Variants in KPNA6 observed in about 807,000 individuals in gnomAD.
The protein encoded by KPNA6 is karyopherin subunit alpha 6, also known as importin subunit alpha-7.
KPNA6 carries 9 observed loss-of-function variants against 72.0 expected under a neutral mutation model. The ratio of observed to expected loss-of-function variants is 0.13; its 90% CI spans 0.08 to 0.22. The LOEUF is 0.22. KPNA6 is among the 10% of genes least tolerant of loss of function. KPNA6 has a pLI of 1.00. For missense variants in KPNA6, 374 were observed against 655.7 expected (o/e 0.57, Z 4.69); for synonymous variants, 219 against 242.1 (o/e 0.90, Z 0.89).
At position 32,142,084 on chromosome 1, in the gene KPNA6, G is replaced by A. The variant is rs115179487; in HGVS notation, c.5-12504G>A. 5.4e-3 allele frequency among the ~76,000 whole-genome samples: 823 copies of A among 151,802 alleles called. 11 individuals carry two copies. Among genetic ancestry groups the A allele is most frequent in the African/African-American group, 0.019 (785 of 41,408 alleles). Reference sequence around the variant, plus strand: ...AGACCAGCCTCAACATGGTGAGACCGTCTCTACTAAAAATGCAAAAAATTA... The same window carrying A: ...AGACCAGCCTCAACATGGTGAGACCATCTCTACTAAAAATGCAAAAAATTA... On this transcript the variant is annotated intron_variant, in intron 1 of 13. Transcript: ENST00000373625.
chr1:32,137,804 C>T (rs544423625), intron 1 of KPNA6, among the ~76,000 whole-genome samples: 1 of 152,086 alleles, frequency 6.6e-6, no homozygotes, highest in East Asian at 1.9e-4. Flanking sequence ...ATGGGTGACT[C>T]CAAGACCAGG....
chr1:32,131,490 A>AT (rs1641634727), intron 1 of KPNA6, among the ~76,000 whole-genome samples: 1 of 152,084 alleles, frequency 6.6e-6, no homozygotes. Flanking sequence ...CTCTACTTTT[A>AT]TTTTTTAAAG....
chr1:32,126,873 A>C (rs1641545275), intron 1 of KPNA6, among the ~76,000 whole-genome samples: 1 of 152,154 alleles, frequency 6.6e-6, no homozygotes, highest in Non-Finnish European at 1.5e-5. Context: ...GAAAGAACTG[A>C]GTGTTGGAAG....
intron 1 of KPNA6, chr1:32,143,088 A>C: frequency 6.5e-5 from 64 of 980,810 alleles, no homozygotes; most frequent in Non-Finnish European, 8.8e-5. Flanking sequence ...TGTTAGTCTC[A>C]CAGGGATAAT....
chr1:32,138,590 C>T (rs1641783909), intron 1 of KPNA6, among the ~76,000 whole-genome samples: 2 of 149,624 alleles, frequency 1.3e-5, no homozygotes, highest in South Asian at 2.1e-4. Context: ...TAAGGGAGAT[C>T]GTGAGCTTGG....
At chr1:32,132,135 T>C (rs1641650095) in intron 1 of KPNA6, among the ~76,000 whole-genome samples, 1 of 151,880 alleles carries the variant, frequency 6.6e-6, no homozygotes, top group Non-Finnish European at 1.5e-5. Context: ...CATACCCGGC[T>C]AATATTTGTA....
intron 9 of KPNA6, 62 bp from the exon 10 acceptor site, chr1:32,163,173 A>G (rs1336681281): frequency 1.3e-5 from 14 of 1,043,648 alleles, no homozygotes; most frequent in Non-Finnish European, 2.1e-5. Context: ...GACTAAAGAG[A>G]GAGAATCAGC....
chr1:32,161,988 C>G lies in KPNA6; in HGVS notation c.689C>G (p.Ala230Gly). 6.2e-7 allele frequency: 1 copy of G among 1,614,098 alleles called. No homozygotes were observed. Among genetic ancestry groups the G allele is most frequent in the Non-Finnish European group, 8.5e-7 (1 of 1,179,994 alleles). ...KSTRLTMTRNAVWALSNLCRG... is the reference protein window; with the variant it reads ...KSTRLTMTRNGVWALSNLCRG... ...ACACGACTGACGATGACACGGAATG[C>G]AGTCTGGGCCCTGTCAAATCTCTGC... The change falls in exon 8 of 14, where the codon GCA (alanine) becomes GGA (glycine). Residue 230 changes from alanine to glycine, a missense_variant. Around this residue, in one of 3 missense-constraint regions of KPNA6, gnomAD observed 298 missense variants for 495.4 expected, o/e 0.60. Transcript: ENST00000373625.
chr1:32,114,452 ATAT>A lies in KPNA6; in HGVS notation c.4+6319_4+6321del, dbSNP rs1464375605. Among the ~76,000 whole-genome samples, 49 of 139,264 alleles carry A rather than the reference ATAT, an allele frequency of 3.5e-4. 1 individual carries two copies. The highest frequency in any genetic ancestry group is 1.2e-3 in the African/African-American group (42 of 36,314). The allele number at this position is 139,264 out of a possible 152,430, so 91.4% of individuals were successfully genotyped here. ...ACGAAACTCTGTCTCAAAAAAAAAA[ATAT>A]ATATATATATATATATATTCAGTAA... is the stretch of plus-strand genomic sequence containing the variant. On this transcript the variant is annotated intron_variant, in intron 1 of 13. Coordinates refer to ENST00000373625, the MANE Select transcript of KPNA6 (RefSeq NM_012316.5).
intron 1 of KPNA6, among the ~76,000 whole-genome samples, chr1:32,151,805 A>G (rs984204761): frequency 3.9e-5 from 6 of 152,226 alleles, no homozygotes; most frequent in African/African-American, 7.2e-5. Context: ...GGAAGTGATA[A>G]CTATATTAAT....
At position 32,157,415 on chromosome 1, in the gene KPNA6, A is replaced by G; in HGVS notation, c.301A>G (p.Thr101Ala). 1 of 1,614,046 alleles carries G rather than the reference A, an allele frequency of 6.2e-7. No individual in the cohort carries two copies. The highest frequency in any genetic ancestry group is 1.7e-5 in the Admixed American group (1 of 60,012). ...SDDSDLQLAT[T>A]QKFRKLLSKE... is the part of the protein sequence containing the mutation. The stretch of plus-strand genomic sequence containing the variant: ...TGATTCTGACCTGCAGTTAGCAACC[A>G]CACAGAAATTCCGGAAACTGCTCTC... Residue 101 changes from threonine (T) to alanine (A), a missense_variant, in exon 4 of 14, where the codon ACA becomes GCA. This residue lies in a region of KPNA6 where 298 missense variants were observed against 495.4 expected (regional missense o/e 0.60). Transcript: ENST00000373625.
intron 11 of KPNA6, 73 bp from the exon 12 acceptor site, chr1:32,167,096 T>C: frequency 3.2e-6 from 5 of 1,556,450 alleles, no homozygotes; most frequent in Non-Finnish European, 4.4e-6. Flanking sequence ...CTCAGCTGAT[T>C]TGGGGACTAG....
Position 32,170,802 on chromosome 1 carries a change from G to A in KPNA6, c.1519G>A (p.Asp507Asn), listed in dbSNP as rs201663407. 99 of 1,614,078 alleles carry A rather than the reference G, an allele frequency of 6.1e-5. 1 individual carries two copies. Among genetic ancestry groups the A allele is most frequent in the Admixed American group, 6.7e-5 (4 of 60,004 alleles). The change falls in exon 14 of 14, where the codon GAT becomes AAT. Residue 507 changes from aspartate (D) to asparagine (N), a missense_variant. Asp to Asn is a conservative substitution (Grantham distance 23). Transcript: ENST00000373625. ...TGAGCACTACTTTGGTGTAGAAGAC[G>A]ATGATAGCAGCCTGGCTCCCCAAGT... is the stretch of plus-strand genomic sequence containing the variant. ...LIEHYFGVED[D>N]DSSLAPQVDE... is the part of the protein sequence containing the mutation.
At chr1:32,133,912 C>T (rs1012585879) in intron 1 of KPNA6, among the ~76,000 whole-genome samples, 3 of 151,206 alleles carry the variant, frequency 2.0e-5, no homozygotes, top group Admixed American at 6.6e-5. Context: ...CAGCAGCCGG[C>T]ATCTGTAATC....
rs112336080 is a variant in KPNA6, at chr1:32,175,048, A to T, written c.*4154A>T. 3.3e-5 allele frequency: 5 copies of T among 152,286 alleles called. No individual in the cohort carries two copies. The highest frequency in any genetic ancestry group is 1.2e-4 in the African/African-American group (5 of 41,558). 9.4% of individuals were successfully genotyped at this position (152,286 alleles called of 1,614,324 possible). On this transcript the variant is annotated 3_prime_UTR_variant, in exon 14 of 14. Coordinates refer to ENST00000373625, the MANE Select transcript of KPNA6 (RefSeq NM_012316.5). ...CTGCTCTTTGGCCAAGGCCTTCATA[A>T]ATGATTCAGTCTCTCATTATCTGTC...
At chr1:32,123,432 A>G (rs1641473663) in intron 1 of KPNA6, among the ~76,000 whole-genome samples, 1 of 151,990 alleles carries the variant, frequency 6.6e-6, no homozygotes, top group East Asian at 1.9e-4. Context: ...GTTTTTATTC[A>G]ATGCATGGTT....
At position 32,171,202 on chromosome 1, in the gene KPNA6, C is replaced by T. The variant is rs1642431074; in HGVS notation, c.*308C>T. 3.2e-6 allele frequency: 1 copy of T among 314,308 alleles called. No individual in the cohort carries two copies. 19.5% of individuals were successfully genotyped at this position (314,308 alleles called of 1,614,324 possible). On this transcript the variant is annotated 3_prime_UTR_variant, in exon 14 of 14. Transcript: ENST00000373625. ...GAGCCCAGGGGTAGACAAAGGAGGA[C>T]TAAGGTAATCAATTTGCACCTTTTT...
Position 32,108,107 on chromosome 1 carries a change from C to T in KPNA6, c.-24C>T, listed in dbSNP as rs749114561. ...AAGCTGCCGCCGTTGCCTCCGCCGC[C>T]AAGAGTGAGCGAGCGGACCCGCGAT... On this transcript the variant is annotated 5_prime_UTR_variant, in exon 1 of 14. Coordinates refer to ENST00000373625, the MANE Select transcript of KPNA6 (RefSeq NM_012316.5). The T allele has an allele frequency of 1.2e-6, 2 of 1,614,042 alleles. No homozygotes were observed. The highest frequency in any genetic ancestry group is 1.3e-5 in the African/African-American group (1 of 75,074).
intron 1 of KPNA6, among the ~76,000 whole-genome samples, chr1:32,136,181 CT>C (rs759447035): frequency 1.1e-3 from 157 of 138,908 alleles, no homozygotes; most frequent in Middle Eastern, 3.5e-3. Context: ...TAGCTTCTCT[CT>C]TTTTTTTTTT....
Sources: allele counts gnomAD v4.1 joint callset (sites outside exome capture counted in the v4.1 genomes callset), GRCh38; gene constraint gnomAD v4.1.1; regional missense constraint gnomAD v4.1.1; transcripts MANE v1.5; gene names NCBI Gene and HGNC (gene_info 2026-07-23, HGNC 2026-07-21).